The following CAPN15 variants were observed in gnomAD, a reference collection of about 807,000 sequenced individuals.
CAPN15 encodes the protein calpain 15.
In CAPN15, 53 loss-of-function variants were observed where a neutral mutation model predicts 97.9. The observed-to-expected ratio is 0.54, with a 90% CI of 0.43 to 0.68. CAPN15 has a LOEUF of 0.68. Among genes scored for constraint, CAPN15 ranks in the 30% least tolerant of loss-of-function variants. The pLI, the probability that CAPN15 is intolerant of heterozygous loss-of-function variation, is 0.00. For missense variants in CAPN15, 1,592 were observed against 1,589.8 expected (o/e 1.00, Z -0.02); for synonymous variants, 922 against 722.5 (o/e 1.28, Z -4.43).
In CAPN15 at chr16:552,233, T is replaced by C. The variant is rs2035139398; in HGVS notation, c.2507+21T>C. On this transcript the variant is annotated intron_variant, in intron 10 of 13. Transcript: ENST00000219611. The surrounding 1 kb of genome is among the most constrained non-coding windows in gnomAD (Gnocchi z 6.4). ...AGCAGGTGGGTGCTGCGGGGCCCCA[T>C]CGGGCTGGGCTGGGCTAGGCTGGCG... The C allele has an allele frequency of 1.5e-5, 23 of 1,532,000 alleles. No homozygotes were observed. The highest frequency in any genetic ancestry group is 2.0e-5 in the Non-Finnish European group (23 of 1,137,826). The allele number at this position is 1,532,000 out of a possible 1,614,324, so 94.9% of individuals were successfully genotyped here. A position where few individuals can be genotyped will look rare whatever the true frequency, so the allele number is the denominator to read the frequency against.
In CAPN15 at chr16:533,980, G is replaced by T. The variant is rs1359002796; in HGVS notation, c.-155G>T. 3 of 985,384 alleles carry T rather than the reference G, an allele frequency of 3.0e-6. No individual in the cohort carries two copies. In the African/African-American group the frequency reaches 5.2e-5, roughly 17 times the overall value. 61.0% of individuals were successfully genotyped at this position (985,384 alleles called of 1,614,324 possible). ...CAGACGCGGCACAGAGAGGGCCTGG[G>T]AGCTTGCTGCAGCTTCAGGTGAGTT... On this transcript the variant is annotated 5_prime_UTR_variant, in exon 2 of 14. Transcript: ENST00000219611.
intron 3 of CAPN15, among the ~76,000 whole-genome samples, chr16:544,668 C>T (rs1424912458): frequency 6.6e-6 from 1 of 151,786 alleles, no homozygotes; most frequent in Non-Finnish European, 1.5e-5. Context: ...AGCTTGGCCT[C>T]TGTGCAGTAA....
At chr16:540,146 G>A in intron 3 of CAPN15, 1 of 985,522 alleles carries the variant, frequency 1.0e-6, no homozygotes, top group Non-Finnish European at 1.2e-6. Context: ...GCTGGCCAGA[G>A]GTGACCAGGT....
In CAPN15 at chr16:535,455, C is replaced by T. The variant is rs929214768; in HGVS notation, c.-136-574C>T. 1.3e-5 allele frequency: 2 copies of T among 154,210 alleles called. No homozygotes were observed. The highest frequency in any genetic ancestry group is 3.9e-4 in the East Asian group (2 of 5,190). The allele number at this position is 154,210 out of a possible 1,614,324, so 9.6% of individuals were successfully genotyped here. The stretch of plus-strand genomic sequence containing the variant: ...TGTGGCATACAGGACAGGGACCGGC[C>T]AGTTGGCCCTGCTCATTAACCACTT... On this transcript the variant is annotated intron_variant, in intron 2 of 13. Coordinates refer to ENST00000219611, the MANE Select transcript of CAPN15 (RefSeq NM_005632.3). This position sits in a 1 kb window ranked among gnomAD's most constrained non-coding sequence, Gnocchi z 6.2.
chr16:542,540 C>T (rs951496000), intron 3 of CAPN15, among the ~76,000 whole-genome samples: 2 of 152,132 alleles, frequency 1.3e-5, no homozygotes, highest in Admixed American at 6.6e-5. Flanking sequence ...CCATGTGGGG[C>T]CTCTCTCCCT....
At chr16:537,100 C>T (rs1596326240) in intron 3 of CAPN15, 2 of 975,296 alleles carry the variant, frequency 2.1e-6, no homozygotes, top group African/African-American at 3.5e-5. Context: ...AGCTGTCCAG[C>T]CTCTGTGACA....
Position 549,450 on chromosome 16 carries a change from C to A in CAPN15, c.1821C>A (p.Ala607=). Reference sequence around the variant, plus strand: ...ACGACATGCTGCCCTGTGATGAGGCCGGCTGCCTCCTCTTCTCACAGGTGG... The same window carrying A: ...ACGACATGCTGCCCTGTGATGAGGCAGGCTGCCTCCTCTTCTCACAGGTGG... ...LVDDMLPCDE[A]GCLLFSQAQR... is the part of the protein sequence containing the mutation. Residue 607 remains alanine (A), a synonymous_variant, in exon 6 of 14, where the codon GCC becomes GCA. Coordinates refer to ENST00000219611, the MANE Select transcript of CAPN15 (RefSeq NM_005632.3). The A allele has an allele frequency of 6.3e-7, 1 of 1,595,876 alleles. No homozygotes were observed. Among genetic ancestry groups the A allele is most frequent in the Non-Finnish European group, 8.5e-7 (1 of 1,177,280 alleles).
chr16:533,497 T>A (rs1005804813), intron 1 of CAPN15, among the ~76,000 whole-genome samples: 1 of 152,168 alleles, frequency 6.6e-6, no homozygotes, highest in Non-Finnish European at 1.5e-5. Context: ...TGCCTGTGCC[T>A]GCCCAAGCTG....
At chr16:533,827 G>C (rs1160094149) in intron 1 of CAPN15, 119 bp from the exon 2 acceptor site, 1 of 323,420 alleles carries the variant, frequency 3.1e-6, no homozygotes, top group Non-Finnish European at 4.5e-6. Flanking sequence ...GGGTCTCCCG[G>C]GGCTGATTTC....
intron 4 of CAPN15, among the ~76,000 whole-genome samples, 155 bp from the exon 5 acceptor site, chr16:548,838 C>G (rs72767841): frequency 0.13 from 19,926 of 152,308 alleles, 1,768 homozygotes; most frequent in Non-Finnish European, 0.2. Context: ...TTCCTCGACA[C>G]AGGGCCGGCG....
chr16:552,322 C>T lies in CAPN15; in HGVS notation c.2529C>T (p.Ser843=). ...EGSRRSDAVD[S]HLLDLCILVF... Reference sequence around the variant, plus strand: ...GCAGGCGCTCGGACGCCGTGGACAGCCACCTGCTGGACCTGTGCATCCTGG... The same window carrying T: ...GCAGGCGCTCGGACGCCGTGGACAGTCACCTGCTGGACCTGTGCATCCTGG... Residue 843 remains serine, a synonymous_variant, in exon 11 of 14, where the codon AGC becomes AGT. Coordinates refer to ENST00000219611, the MANE Select transcript of CAPN15 (RefSeq NM_005632.3). The surrounding 1 kb of genome is among the most constrained non-coding windows in gnomAD (Gnocchi z 6.4). 6.3e-7 allele frequency: 1 copy of T among 1,575,916 alleles called. No individual in the cohort carries two copies. Among genetic ancestry groups the T allele is most frequent in the Non-Finnish European group, 8.6e-7 (1 of 1,166,438 alleles).
rs899935883 is a variant in CAPN15 at position 527,925 on chromosome 16, C to G, written c.-294C>G. ...GCGGCGAGAGGGGCCCCGCCGCTCTCCGGAGGCAGAAGTTGTGGATCGGCC... is the reference window on the plus strand; with the variant it reads ...GCGGCGAGAGGGGCCCCGCCGCTCTGCGGAGGCAGAAGTTGTGGATCGGCC... On this transcript the variant is annotated 5_prime_UTR_variant, in exon 1 of 14. Transcript: ENST00000219611. The G allele has an allele frequency of 4.1e-5, 6 of 146,026 alleles. No homozygotes were observed. The highest frequency in any genetic ancestry group is 7.6e-5 in the Non-Finnish European group (5 of 65,648). The allele number at this position is 146,026 out of a possible 1,614,324, so 9.0% of individuals were successfully genotyped here. A position where few individuals can be genotyped will look rare whatever the true frequency, so the allele number is the denominator to read the frequency against.
chr16:551,988 G>A (rs1354953137), intron 9 of CAPN15, 63 bp from the exon 10 acceptor site: 47 of 1,504,698 alleles, frequency 3.1e-5, no homozygotes, highest in Non-Finnish European at 5.4e-6. Flanking sequence ...GTTGCGGTAG[G>A]CGCTGAGCCA....
Position 547,982 on chromosome 16 carries a change from C to G in CAPN15, c.1144C>G (p.Pro382Ala). ...GCATGGCGAGCCCCCCACCCACTGC[C>G]CCGACTGTGGGGCCGACAAGCCCAG... ...QEHGEPPTHC[P>A]DCGADKPSPC... The change falls in exon 4 of 14, where the codon CCC (proline) becomes GCC (alanine). Residue 382 changes from proline to alanine, a missense_variant. Coordinates refer to ENST00000219611, the MANE Select transcript of CAPN15 (RefSeq NM_005632.3). 2 of 1,583,226 alleles carry G rather than the reference C, an allele frequency of 1.3e-6. No homozygotes were observed. Among genetic ancestry groups the G allele is most frequent in the East Asian group, 2.3e-5 (1 of 42,630 alleles).
intron 3 of CAPN15, among the ~76,000 whole-genome samples, chr16:545,519 A>G (rs2034525646): frequency 6.6e-6 from 1 of 152,160 alleles, no homozygotes; most frequent in Non-Finnish European, 1.5e-5. Context: ...CCTTGTTCTG[A>G]CTTCATTGAA....
chr16:546,804 C>T lies in CAPN15; in HGVS notation c.-22-13C>T. On this transcript the variant is annotated splice_polypyrimidine_tract_variant and intron_variant, in intron 3 of 13. Coordinates refer to ENST00000219611, the MANE Select transcript of CAPN15 (RefSeq NM_005632.3). ...CCTCACAGGGTGGCCCTGATGAGCA[C>T]CTTCCCTTGCAGCCACACCCACTCG... is the stretch of plus-strand genomic sequence containing the variant. 6.4e-7 allele frequency: 1 copy of T among 1,567,664 alleles called. No homozygotes were observed. Among genetic ancestry groups the T allele is most frequent in the Non-Finnish European group, 8.7e-7 (1 of 1,154,328 alleles).
chr16:540,064 T>G (rs1420530924), intron 3 of CAPN15: 7 of 984,262 alleles, frequency 7.1e-6, no homozygotes, highest in Non-Finnish European at 7.2e-6. Context: ...CTCTGTCTGT[T>G]TATTTTTGTT....
At position 553,579 on chromosome 16, in the gene CAPN15, A is replaced by G; in HGVS notation, c.*63A>G. 9.6e-7 allele frequency: 1 copy of G among 1,040,960 alleles called. No individual in the cohort carries two copies. Among genetic ancestry groups the G allele is most frequent in the East Asian group, 2.7e-5 (1 of 36,454 alleles). 64.5% of individuals were successfully genotyped at this position (1,040,960 alleles called of 1,614,324 possible). A position where few individuals can be genotyped will look rare whatever the true frequency, so the allele number is the denominator to read the frequency against. On this transcript the variant is annotated 3_prime_UTR_variant, in exon 14 of 14. Coordinates refer to ENST00000219611, the MANE Select transcript of CAPN15 (RefSeq NM_005632.3). ...CCCCCACCCCCACACGCACTTTATG[A>G]GGGAGACCCCGACAGAGGACGCTTG...
At position 553,056 on chromosome 16, in the gene CAPN15, C is replaced by CTGCCCCCCCACCCCTGCACAGG; in HGVS notation, c.3083+23_3083+44dup. On this transcript the variant is annotated intron_variant, in intron 13 of 13. Transcript: ENST00000219611. ...CCCCTGCACAGGTGCGCCCCCGCCC[C>CTGCCCCCCCACCCCTGCACAGG]TGCCCCCCCACCCCTGCACAGGTGC... 7.5e-7 allele frequency: 1 copy of CTGCCCCCCCACCCCTGCACAGG among 1,328,822 alleles called. No homozygotes were observed. The highest frequency in any genetic ancestry group is 1.0e-6 in the Non-Finnish European group (1 of 1,003,002). 82.3% of individuals were successfully genotyped at this position (1,328,822 alleles called of 1,614,324 possible).
Sources: allele counts gnomAD v4.1 joint callset (sites outside exome capture counted in the v4.1 genomes callset), GRCh38; gene constraint gnomAD v4.1.1; non-coding constraint Gnocchi (gnomAD v3.1); transcripts MANE v1.5; gene names NCBI Gene and HGNC (gene_info 2026-07-23, HGNC 2026-07-21).